Variants in SPECC1L observed in about 807,000 individuals in gnomAD.
SPECC1L encodes cytospin-A.
In SPECC1L, 40 loss-of-function variants were observed where a neutral mutation model predicts 116.8. The ratio of observed to expected loss-of-function variants is 0.34; its 90% CI spans 0.27 to 0.45. The LOEUF (loss-of-function observed/expected upper bound fraction) is 0.45. Ranked by LOEUF, SPECC1L falls within the 20% of genes least tolerant of loss-of-function variation. The pLI, the probability that SPECC1L is intolerant of heterozygous loss-of-function variation, is 1.00. For missense variants in SPECC1L, 1,110 were observed against 1,373.6 expected (o/e 0.81, Z 3.03); for synonymous variants, 504 against 500.6 (o/e 1.01, Z -0.09).
chr22:24,330,638 A>G (rs1049971343), intron 8 of SPECC1L, among the ~76,000 whole-genome samples: 1 of 152,208 alleles, frequency 6.6e-6, no homozygotes, highest in African/African-American at 2.4e-5. Flanking sequence ...TGTCAGTATC[A>G]GTGATCCCCA....
At chr22:24,295,314 A>T (rs1195777856) in intron 2 of SPECC1L, among the ~76,000 whole-genome samples, 1 of 150,666 alleles carries the variant, frequency 6.6e-6, no homozygotes, top group East Asian at 1.9e-4. Flanking sequence ...TATGATTTTT[A>T]AAATAATTTC....
intron 6 of SPECC1L, among the ~76,000 whole-genome samples, chr22:24,327,936 G>T (rs1285239830): frequency 6.6e-6 from 1 of 152,210 alleles, no homozygotes; most frequent in Non-Finnish European, 1.5e-5. Context: ...GGGGCTGTAG[G>T]TAAATCAGGG....
At chr22:24,304,076 A>G (rs1030208185) in intron 3 of SPECC1L, among the ~76,000 whole-genome samples, 2 of 152,062 alleles carry the variant, frequency 1.3e-5, no homozygotes, top group Non-Finnish European at 2.9e-5. Context: ...CCACAGTGTT[A>G]TTTTATTTTT....
intron 14 of SPECC1L, among the ~76,000 whole-genome samples, chr22:24,394,961 G>T (rs971093217): frequency 1.3e-5 from 2 of 151,998 alleles, no homozygotes; most frequent in African/African-American, 4.8e-5. Flanking sequence ...CTCCAAAGTA[G>T]CTGAGACTAC....
In SPECC1L at chr22:24,321,929, T is replaced by C; in HGVS notation, c.949T>C (p.Ser317Pro). The C allele has an allele frequency of 6.2e-7, 1 of 1,614,212 alleles. No individual in the cohort carries two copies. Among genetic ancestry groups the C allele is most frequent in the Non-Finnish European group, 8.5e-7 (1 of 1,180,034 alleles). ...AACTCTGACTTCTTCAGTGGAAGGC[T>C]CTGCCCCTGGCTCAGTGGAGGATCT... ...GGTLTSSVEG[S>P]APGSVEDLLS... The change falls in exon 5 of 17, where the codon TCT becomes CCT. Residue 317 changes from serine (S) to proline (P), a missense_variant. By Grantham distance (74) the Ser-to-Pro change is moderately conservative. Around this residue, in one of 4 missense-constraint regions of SPECC1L, gnomAD observed 437 missense variants for 482.6 expected, o/e 0.91. Transcript: ENST00000314328.
intron 11 of SPECC1L, among the ~76,000 whole-genome samples, chr22:24,354,612 GT>G (rs960391878): frequency 6.7e-6 from 1 of 149,988 alleles, no homozygotes; most frequent in Admixed American, 6.6e-5. Flanking sequence ...GCCTATCTTG[GT>G]TTTTTTTCCT....
chr22:24,357,614 C>G (rs915507241), intron 11 of SPECC1L, among the ~76,000 whole-genome samples: 9 of 152,026 alleles, frequency 5.9e-5, no homozygotes, highest in African/African-American at 2.2e-4. Flanking sequence ...AAATGGACAC[C>G]TTTTTTCTTC....
At chr22:24,309,169 A>G (rs2049563622) in intron 3 of SPECC1L, among the ~76,000 whole-genome samples, 1 of 152,250 alleles carries the variant, frequency 6.6e-6, no homozygotes, top group South Asian at 2.1e-4. Flanking sequence ...ATCTATGTCA[A>G]TTTCTGTATC....
At position 24,382,575 on chromosome 22, in the gene SPECC1L, C is replaced by A. The variant is rs576349575; in HGVS notation, c.3087+13255C>A. 3.9e-5 allele frequency among the ~76,000 whole-genome samples: 6 copies of A among 151,902 alleles called. No homozygotes were observed. In the South Asian group the frequency reaches 1.3e-3, roughly 32 times the overall value. Reference sequence around the variant, plus strand: ...AAAATGAGCTGGGTACAGTGACGGGCGACTGTAGTTCCAGCTACTTGGGAG... The same window carrying A: ...AAAATGAGCTGGGTACAGTGACGGGAGACTGTAGTTCCAGCTACTTGGGAG... On this transcript the variant is annotated intron_variant, in intron 14 of 16. Transcript: ENST00000314328.
chr22:24,282,406 T>C (rs543365556), intron 2 of SPECC1L, among the ~76,000 whole-genome samples: 28 of 152,320 alleles, frequency 1.8e-4, no homozygotes, highest in East Asian at 7.7e-4. Flanking sequence ...GTTAGTTCAG[T>C]CTACACCCAG....
chr22:24,360,194 C>T (rs1198991089), intron 11 of SPECC1L, among the ~76,000 whole-genome samples: 1 of 152,162 alleles, frequency 6.6e-6, no homozygotes, highest in Admixed American at 6.5e-5. Flanking sequence ...AATCTTATTT[C>T]CTGAAGAGGG....
intron 7 of SPECC1L, 36 bp from the exon 8 acceptor site, chr22:24,330,220 C>T: frequency 2.5e-6 from 4 of 1,607,282 alleles, no homozygotes; most frequent in African/African-American, 1.3e-5. Context: ...CTTGATTGCT[C>T]TCTTTTGGAA....
At chr22:24,324,570 G>C (rs1453214688) in intron 6 of SPECC1L, 143 bp downstream of exon 6, 1 of 753,776 alleles carries the variant, frequency 1.3e-6, no homozygotes, top group East Asian at 2.7e-5. Flanking sequence ...ACCGAACCAG[G>C]CTGGGCACAG....
At chr22:24,365,917 G>A (rs2041755122) in intron 13 of SPECC1L, among the ~76,000 whole-genome samples, 1 of 151,554 alleles carries the variant, frequency 6.6e-6, no homozygotes, top group South Asian at 2.1e-4. Context: ...ACCGAGGAAT[G>A]GGTGGAGTGT....
At chr22:24,291,046 A>G (rs1206479581) in intron 2 of SPECC1L, among the ~76,000 whole-genome samples, 1 of 152,108 alleles carries the variant, frequency 6.6e-6, no homozygotes, top group Middle Eastern at 3.2e-3. Context: ...CTTTCTTCTC[A>G]GTGTTTTAAG....
At chr22:24,272,401 C>T (rs2048746080) in intron 1 of SPECC1L, among the ~76,000 whole-genome samples, 1 of 149,942 alleles carries the variant, frequency 6.7e-6, no homozygotes, top group South Asian at 2.1e-4. Flanking sequence ...GGCCGAGCTC[C>T]CTGGCTCACG....
chr22:24,306,470 T>G (rs1182778784), intron 3 of SPECC1L, among the ~76,000 whole-genome samples: 1 of 152,156 alleles, frequency 6.6e-6, no homozygotes, highest in Non-Finnish European at 1.5e-5. Flanking sequence ...AGCCTTGAAC[T>G]CCTGGGCTCA....
intron 14 of SPECC1L, among the ~76,000 whole-genome samples, chr22:24,392,225 C>G (rs968178350): frequency 6.6e-6 from 1 of 152,210 alleles, no homozygotes; most frequent in Non-Finnish European, 1.5e-5. Flanking sequence ...ACGAGTAATG[C>G]TGAGAAACAG....
At chr22:24,404,580 C>T (rs2042549645) in intron 14 of SPECC1L, among the ~76,000 whole-genome samples, 2 of 152,190 alleles carry the variant, frequency 1.3e-5, no homozygotes, top group Admixed American at 1.3e-4. Context: ...TGCCAAGTAT[C>T]TCTGGAGCCC....
Sources: gnomAD v4.1 joint callset for allele counts (sites outside exome capture counted in the v4.1 genomes callset) on GRCh38, gnomAD v4.1.1 for gene constraint, gnomAD v4.1.1 regional missense constraint, MANE v1.5 for transcripts, NCBI Gene and HGNC (gene_info 2026-07-23, HGNC 2026-07-21) for gene names.